The following DENND1A variants were observed in gnomAD, a reference collection of about 807,000 sequenced individuals.
DENND1A encodes the protein DENN domain containing 1A, also known as DENN domain-containing protein 1A.
A neutral mutation model predicts 113.7 loss-of-function variants in DENND1A; 51 were observed. That is an observed-to-expected ratio of 0.45 (90% CI 0.36 to 0.57). The LOEUF (loss-of-function observed/expected upper bound fraction) is 0.57, where lower values mean the gene tolerates loss of function less well. DENND1A is among the 20% of genes least tolerant of loss of function. DENND1A has a pLI of 0.00. For synonymous variants in DENND1A, 565 were observed against 570.8 expected, an observed-to-expected ratio of 0.99 and a Z score of 0.14; for missense variants, 1,258 against 1,395.9, an observed-to-expected ratio of 0.90 and a Z score of 1.57.
intron 4 of DENND1A, among the ~76,000 whole-genome samples, chr9:123,761,192 T>C (rs1433759999): frequency 6.6e-6 from 1 of 152,204 alleles, no homozygotes; most frequent in African/African-American, 2.4e-5. Context: ...TCATTACTCA[T>C]TTACCTGGTT....
chr9:123,392,429 T>C (rs2042904344), intron 21 of DENND1A, among the ~76,000 whole-genome samples: 1 of 152,160 alleles, frequency 6.6e-6, no homozygotes, highest in African/African-American at 2.4e-5. Flanking sequence ...TTTGAAAGGA[T>C]CACTTCACTC....
At chr9:123,688,155 C>T (rs1015488892) in intron 5 of DENND1A, among the ~76,000 whole-genome samples, 3 of 152,122 alleles carry the variant, frequency 2.0e-5, no homozygotes, top group Non-Finnish European at 2.9e-5. Flanking sequence ...CCCCAGATAC[C>T]GAATGGCAAA....
At chr9:123,786,413 TC>T (rs959133261) in intron 3 of DENND1A, among the ~76,000 whole-genome samples, 6 of 152,136 alleles carry the variant, frequency 3.9e-5, no homozygotes, top group African/African-American at 1.4e-4. Flanking sequence ...TCAGAGACAT[TC>T]CCACTTTCAA....
intron 5 of DENND1A, among the ~76,000 whole-genome samples, chr9:123,699,711 T>A (rs894792980): frequency 2.7e-5 from 4 of 147,916 alleles, no homozygotes; most frequent in Non-Finnish European, 4.5e-5. Flanking sequence ...TTTTTTTTTT[T>A]ATTGGAGACA....
chr9:123,415,304 G>A (rs1275118642), intron 19 of DENND1A, among the ~76,000 whole-genome samples: 1 of 152,132 alleles, frequency 6.6e-6, no homozygotes, highest in Non-Finnish European at 1.5e-5. Context: ...CAGGGACGGG[G>A]GCTGCACTCA....
intron 13 of DENND1A, among the ~76,000 whole-genome samples, chr9:123,531,203 T>A (rs1430602374): frequency 6.6e-6 from 1 of 152,202 alleles, no homozygotes; most frequent in Non-Finnish European, 1.5e-5. Flanking sequence ...AGTATTCCTA[T>A]GATATTTTAC....
intron 1 of DENND1A, among the ~76,000 whole-genome samples, chr9:123,922,831 GAAC>G (rs948264883): frequency 6.6e-6 from 1 of 152,080 alleles, no homozygotes; most frequent in African/African-American, 2.4e-5. Flanking sequence ...ACGTCCAAAT[GAAC>G]TTTTGGAATG....
At chr9:123,605,498 C>T (rs951214795) in intron 11 of DENND1A, among the ~76,000 whole-genome samples, 1 of 152,232 alleles carries the variant, frequency 6.6e-6, no homozygotes, top group Admixed American at 6.5e-5. Flanking sequence ...CTAGCATGAT[C>T]ATTCTCTCCA....
At chr9:123,391,742 T>G (rs2042854702) in intron 21 of DENND1A, among the ~76,000 whole-genome samples, 1 of 139,862 alleles carries the variant, frequency 7.1e-6, no homozygotes, top group Non-Finnish European at 1.5e-5. Context: ...AAACTTTTTA[T>G]TAGCTTAAGG....
At chr9:123,560,879 G>T (rs1455673696) in intron 12 of DENND1A, among the ~76,000 whole-genome samples, 1 of 151,982 alleles carries the variant, frequency 6.6e-6, no homozygotes, top group Non-Finnish European at 1.5e-5. Flanking sequence ...ATAAGCCCCA[G>T]CCCCACAGTG....
Position 123,893,956 on chromosome 9 carries a change from C to T in DENND1A, c.18-14935G>A, listed in dbSNP as rs146802011. Among the ~76,000 whole-genome samples, 305 of 152,332 alleles carry T rather than the reference C, an allele frequency of 2.0e-3. 1 individual carries two copies. Among genetic ancestry groups the T allele is most frequent in the African/African-American group, 7.2e-3 (300 of 41,568 alleles). On this transcript the variant is annotated intron_variant, in intron 1 of 23. Coordinates refer to ENST00000394215, the MANE Select transcript of DENND1A (RefSeq NM_001352964.2). ...TGAATGAACAAATGCCTCCTCCTCT[C>T]TGGAGGCTTCTCTCACCCCCTTACA...
chr9:123,704,056 C>A (rs1051051355), intron 5 of DENND1A, among the ~76,000 whole-genome samples: 6 of 151,144 alleles, frequency 4.0e-5, no homozygotes, highest in South Asian at 4.2e-4. Context: ...CCAACTGATA[C>A]AATTAAATGC....
chr9:123,504,495 T>C (rs141869469), intron 13 of DENND1A, among the ~76,000 whole-genome samples: 2 of 152,382 alleles, frequency 1.3e-5, no homozygotes, highest in East Asian at 3.9e-4. Flanking sequence ...TTTTTAAGTC[T>C]GATTTAAATG....
intron 2 of DENND1A, among the ~76,000 whole-genome samples, chr9:123,798,725 C>CAAAAA (rs59256751): frequency 2.9e-5 from 2 of 70,034 alleles, no homozygotes; most frequent in Admixed American, 1.8e-4. Context: ...GTGCTGGAGG[C>CAAAAA]AAAAAAAAAA....
At chr9:123,576,119 C>A (rs1315401880) in intron 12 of DENND1A, among the ~76,000 whole-genome samples, 1 of 152,092 alleles carries the variant, frequency 6.6e-6, no homozygotes, top group Non-Finnish European at 1.5e-5. Flanking sequence ...CCTTAGTGGC[C>A]CTTGTAAGGT....
intron 19 of DENND1A, among the ~76,000 whole-genome samples, chr9:123,438,832 T>A (rs1249569478): frequency 6.6e-6 from 1 of 152,220 alleles, no homozygotes; most frequent in Non-Finnish European, 1.5e-5. Flanking sequence ...GAATCTCTAC[T>A]TCTGGCTGAA....
In DENND1A at chr9:123,387,560, C is replaced by T. The variant is rs933328135; in HGVS notation, c.1760+170G>A. On this transcript the variant is annotated intron_variant, in intron 22 of 23. Transcript: ENST00000394215. ...AAAACGGATGCCCTGAGAGGTGGCA[C>T]GCAGAGGTGGTGTCCACCCTGCATG... Among the ~76,000 whole-genome samples the T allele has an allele frequency of 9.2e-5, 14 of 152,314 alleles. 1 individual carries two copies. Among genetic ancestry groups the T allele is most frequent in the Admixed American group, 5.2e-4 (8 of 15,308 alleles).
At chr9:123,499,839 G>C (rs535561425) in intron 13 of DENND1A, among the ~76,000 whole-genome samples, 2 of 152,172 alleles carry the variant, frequency 1.3e-5, no homozygotes, top group Non-Finnish European at 1.5e-5. Flanking sequence ...CACAGCAAAC[G>C]CTCCTGACTC....
At chr9:123,395,466 C>CTGTGTGTGTG (rs1323869628) in intron 21 of DENND1A, among the ~76,000 whole-genome samples, 9 of 71,226 alleles carry the variant, frequency 1.3e-4, no homozygotes, top group African/African-American at 8.3e-4. Context: ...TACTCTCTCT[C>CTGTGTGTGTG]TCTGTGTGTG....
Sources: gnomAD v4.1 joint callset for allele counts (sites outside exome capture counted in the v4.1 genomes callset) on GRCh38, gnomAD v4.1.1 for gene constraint, MANE v1.5 for transcripts, NCBI Gene and HGNC (gene_info 2026-07-23, HGNC 2026-07-21) for gene names.